APBA1: variants seen among roughly 807,000 people sequenced by gnomAD.
The protein encoded by APBA1 is amyloid-beta A4 precursor protein-binding family A member 1.
Under a neutral mutation model 86.6 loss-of-function variants are expected in APBA1, and 55 were observed. That is an observed-to-expected ratio of 0.64 (90% confidence interval 0.51 to 0.80). The LOEUF is 0.80. APBA1 is among the 30% of genes least tolerant of loss of function. The probability of loss-of-function intolerance (pLI) is 0.00; values close to 1 mark genes in which losing one functional copy is unlikely to be tolerated. For missense variants in APBA1, 1,090 were observed against 1,183.0 expected (o/e 0.92, Z 1.15); for synonymous variants, 511 against 493.9 (o/e 1.03, Z -0.46).
At chr9:69,662,217 T>C (rs1823767124) in intron 1 of APBA1, among the ~76,000 whole-genome samples, 1 of 152,162 alleles carries the variant, frequency 6.6e-6, no homozygotes, top group South Asian at 2.1e-4. Flanking sequence ...CCCTTTGTCC[T>C]GTTTTGTAGC....
At chr9:69,546,629 AG>A (rs1412693113) in intron 1 of APBA1, among the ~76,000 whole-genome samples, 1 of 152,210 alleles carries the variant, frequency 6.6e-6, no homozygotes, top group African/African-American at 2.4e-5. Context: ...TACTTTGCAA[AG>A]ATTAATTTTA....
chr9:69,601,284 T>C (rs1230646311), intron 1 of APBA1, among the ~76,000 whole-genome samples: 1 of 152,200 alleles, frequency 6.6e-6, no homozygotes, highest in Non-Finnish European at 1.5e-5. Context: ...ATAAAGATAA[T>C]ATTAATTAGT....
At chr9:69,519,853 T>G (rs1209390063) in intron 1 of APBA1, among the ~76,000 whole-genome samples, 1 of 152,238 alleles carries the variant, frequency 6.6e-6, no homozygotes, top group Non-Finnish European at 1.5e-5. Context: ...TGCCCTCTTA[T>G]AACCCATGTA....
At chr9:69,640,771 T>C (rs1442311573) in intron 1 of APBA1, among the ~76,000 whole-genome samples, 1 of 151,848 alleles carries the variant, frequency 6.6e-6, no homozygotes, top group African/African-American at 2.4e-5. Context: ...AAACTAGAAA[T>C]AGAAGGAAAG....
At chr9:69,642,728 G>A (rs998645169) in intron 1 of APBA1, among the ~76,000 whole-genome samples, 2 of 151,794 alleles carry the variant, frequency 1.3e-5, no homozygotes, top group African/African-American at 4.8e-5. Context: ...CATTTAAATG[G>A]TAGACTTTGA....
intron 1 of APBA1, among the ~76,000 whole-genome samples, chr9:69,596,908 G>A (rs78273842): frequency 0.016 from 2,464 of 152,312 alleles, 58 homozygotes; most frequent in African/African-American, 0.056. Flanking sequence ...CTTGAAAAGT[G>A]ACAGCTGAAA....
intron 10 of APBA1, among the ~76,000 whole-genome samples, chr9:69,441,461 A>G (rs1834822717): frequency 6.6e-6 from 1 of 152,182 alleles, no homozygotes; most frequent in Non-Finnish European, 1.5e-5. Context: ...GGCTTCAAAG[A>G]TGAAGGAGGC....
In APBA1 at chr9:69,517,148, C is replaced by CACCT; in HGVS notation, c.59_62dup (p.Asn22GlyfsTer159). ...CCAGGTCGGCCTCCACCGACTCGTT[C>CACCT]ACCTCCCCACCTGCCGCCTCGTCGG... On this transcript the variant is annotated frameshift_variant, in exon 2 of 13. Coordinates refer to ENST00000265381, the MANE Select transcript of APBA1 (RefSeq NM_001163.4). LOFTEE classifies it high-confidence loss of function. 1 of 1,563,226 alleles carries CACCT rather than the reference C, an allele frequency of 6.4e-7. No individual in the cohort carries two copies. Among genetic ancestry groups the CACCT allele is most frequent in the African/African-American group, 1.4e-5 (1 of 73,386 alleles).
chr9:69,452,304 G>A lies in APBA1; in HGVS notation c.1789-3C>T. On this transcript the variant is annotated splice_polypyrimidine_tract_variant and splice_region_variant and intron_variant, in intron 8 of 12. Transcript: ENST00000265381. The stretch of plus-strand genomic sequence containing the variant: ...ATGGACTGTGCAATCAGCTGAGCCT[G>A]GAACAGCAGCCAGAGAGGAAAGATG... 6.2e-7 allele frequency: 1 copy of A among 1,613,854 alleles called. No homozygotes were observed. Among genetic ancestry groups the A allele is most frequent in the South Asian group, 1.1e-5 (1 of 91,038 alleles).
rs1440951358 is a variant in APBA1, at chr9:69,463,202, T to A, written c.1482+4621A>T. On this transcript the variant is annotated intron_variant, in intron 5 of 12. Transcript: ENST00000265381. ...CCTTTAAATTTCAGAGCCCTCAGCTTACCTTGTATTTTTGTTACCTAACAT... is the reference window on the plus strand; with the variant it reads ...CCTTTAAATTTCAGAGCCCTCAGCTAACCTTGTATTTTTGTTACCTAACAT... 2.6e-5 allele frequency: 4 copies of A among 152,362 alleles called. No homozygotes were observed. In the East Asian group the frequency reaches 7.7e-4, roughly 29 times the overall value. 9.4% of individuals were successfully genotyped at this position (152,362 alleles called of 1,614,324 possible).
intron 10 of APBA1, among the ~76,000 whole-genome samples, chr9:69,448,775 G>C (rs1318334854): frequency 6.6e-6 from 1 of 152,136 alleles, no homozygotes; most frequent in Non-Finnish European, 1.5e-5. Flanking sequence ...TCTCAGTCTA[G>C]CTACAGTACC....
chr9:69,534,446 C>A (rs577255169), intron 1 of APBA1, among the ~76,000 whole-genome samples: 1 of 152,132 alleles, frequency 6.6e-6, no homozygotes, highest in African/African-American at 2.4e-5. Context: ...ACTATAAATG[C>A]GGAGGACTCC....
At chr9:69,576,400 T>C (rs1212917439) in intron 1 of APBA1, among the ~76,000 whole-genome samples, 1 of 152,226 alleles carries the variant, frequency 6.6e-6, no homozygotes, top group Non-Finnish European at 1.5e-5. Flanking sequence ...TAAAGACACA[T>C]GCACACTTAT....
chr9:69,627,861 T>C (rs551840508), intron 1 of APBA1, among the ~76,000 whole-genome samples: 1 of 152,270 alleles, frequency 6.6e-6, no homozygotes, highest in Non-Finnish European at 1.5e-5. Flanking sequence ...AAAGGTGTGA[T>C]GCAACGGCTA....
At chr9:69,559,814 T>C (rs1181342880) in intron 1 of APBA1, among the ~76,000 whole-genome samples, 2 of 152,214 alleles carry the variant, frequency 1.3e-5, no homozygotes, top group African/African-American at 2.4e-5. Flanking sequence ...AATACTTCCA[T>C]AGGTTATATC....
At chr9:69,548,259 C>A (rs62567254) in intron 1 of APBA1, among the ~76,000 whole-genome samples, 13,714 of 152,224 alleles carry the variant, frequency 0.09, 810 homozygotes, top group East Asian at 0.29. Context: ...AGTCCTACAA[C>A]CTCAGGGACC....
Position 69,456,300 on chromosome 9 carries a change from G to A in APBA1, c.1735C>T (p.Gln579Ter). 6.2e-7 allele frequency: 1 copy of A among 1,614,150 alleles called. No homozygotes were observed. Among genetic ancestry groups the A allele is most frequent in the Non-Finnish European group, 8.5e-7 (1 of 1,180,022 alleles). The change falls in exon 8 of 13, where the codon CAG (glutamine) becomes TAG (stop). Residue 579 changes from glutamine (Q) to a stop codon, truncating the protein, a stop_gained. Coordinates refer to ENST00000265381, the MANE Select transcript of APBA1 (RefSeq NM_001163.4). LOFTEE classifies it high-confidence loss of function. ...ATCTTGTACTGCCTTTTCCCATCCTGGGATGGGTGGGACGCTTCCACGTTC... is the reference window on the plus strand; with the variant it reads ...ATCTTGTACTGCCTTTTCCCATCCTAGGATGGGTGGGACGCTTCCACGTTC... ...QENVEASHPS[Q>*]DGKRQYKMIC...
At chr9:69,576,396 C>T (rs1482404855) in intron 1 of APBA1, among the ~76,000 whole-genome samples, 1 of 152,202 alleles carries the variant, frequency 6.6e-6, no homozygotes, top group African/African-American at 2.4e-5. Context: ...GCTATAAAGA[C>T]ACATGCACAC....
chr9:69,612,105 ATAAG>A (rs775671872), intron 1 of APBA1, among the ~76,000 whole-genome samples: 25 of 152,192 alleles, frequency 1.6e-4, no homozygotes, highest in Non-Finnish European at 2.8e-4. Flanking sequence ...TAATTCTTTG[ATAAG>A]TAAGACTAAT....
Sources: gnomAD v4.1 joint callset for allele counts (sites outside exome capture counted in the v4.1 genomes callset) on GRCh38, gnomAD v4.1.1 for gene constraint, MANE v1.5 for transcripts, NCBI Gene and HGNC (gene_info 2026-07-23, HGNC 2026-07-21) for gene names.